Variants in ADGRL2 observed in about 807,000 individuals in gnomAD.
ADGRL2 encodes adhesion G protein-coupled receptor L2.
In ADGRL2, 44 loss-of-function variants were observed where a neutral mutation model predicts 157.4. The ratio of observed to expected loss-of-function variants is 0.28; its 90% CI spans 0.22 to 0.36. ADGRL2 has a LOEUF of 0.36. ADGRL2 is among the 10% of genes least tolerant of loss of function. The probability of loss-of-function intolerance (pLI) is 1.00; values close to 1 mark genes in which losing one functional copy is unlikely to be tolerated. For synonymous variants in ADGRL2, 585 were observed against 624.7 expected (o/e 0.94, Z 0.95); for missense variants, 1,510 against 1,768.9 (o/e 0.85, Z 2.63).
chr1:81,956,172 A>C, intron 11 of ADGRL2, 112 bp downstream of exon 11: 1 of 787,418 alleles, frequency 1.3e-6, no homozygotes, highest in Non-Finnish European at 1.8e-6. Flanking sequence ...TTTTTTTGTC[A>C]AATTATTTTT....
chr1:81,760,822 AT>A (rs539338106), intron 1 of ADGRL2, among the ~76,000 whole-genome samples: 9 of 151,428 alleles, frequency 5.9e-5, no homozygotes, highest in East Asian at 1.9e-4. Flanking sequence ...CTGTGTTTAA[AT>A]TTTTTTTACA....
At chr1:81,873,461 A>G (rs552016787) in intron 2 of ADGRL2, among the ~76,000 whole-genome samples, 22 of 152,226 alleles carry the variant, frequency 1.4e-4, no homozygotes, top group African/African-American at 5.1e-4. Flanking sequence ...TCTGATTGAA[A>G]TGTAAAAAAA....
rs1664650484 is a variant in ADGRL2 at position 81,991,944 on chromosome 1, T to C, written c.*799T>C. On this transcript the variant is annotated 3_prime_UTR_variant, in exon 24 of 24. Coordinates refer to ENST00000686636, the MANE Select transcript of ADGRL2 (RefSeq NM_001366006.2). Reference sequence around the variant, plus strand: ...AAGTTCTACTCATTTTCACTTCTTTTCCACTGTATACAGTGTTCTGCTTTG... The same window carrying C: ...AAGTTCTACTCATTTTCACTTCTTTCCCACTGTATACAGTGTTCTGCTTTG... 1 of 152,666 alleles carries C rather than the reference T, an allele frequency of 6.6e-6. No individual in the cohort carries two copies. Among genetic ancestry groups the C allele is most frequent in the African/African-American group, 2.4e-5 (1 of 41,466 alleles). The allele number at this position is 152,666 out of a possible 1,614,324, so 9.5% of individuals were successfully genotyped here.
At position 81,943,081 on chromosome 1, in the gene ADGRL2, T is replaced by C. The variant is rs755073321; in HGVS notation, c.522T>C (p.Ile174=). ...CKDPLQAADK[I]YFMPWTPYRT... ...ACCCTCTTCAGGCTGCAGATAAAAT[T>C]TATTTCATGCCCTGGACTCCCTATC... The change falls in exon 6 of 24, where the codon ATT becomes ATC. Residue 174 remains isoleucine, a synonymous_variant. Coordinates refer to ENST00000686636, the MANE Select transcript of ADGRL2 (RefSeq NM_001366006.2). This position sits in a 1 kb window ranked among gnomAD's most constrained non-coding sequence, Gnocchi z 5.6. 6.2e-7 allele frequency: 1 copy of C among 1,613,444 alleles called. No homozygotes were observed. The highest frequency in any genetic ancestry group is 1.1e-5 in the South Asian group (1 of 91,070).
intron 2 of ADGRL2, among the ~76,000 whole-genome samples, chr1:81,784,715 G>A (rs2086957705): frequency 8.1e-6 from 1 of 123,664 alleles, no homozygotes; most frequent in Non-Finnish European, 1.6e-5. Flanking sequence ...GCGACAGAGT[G>A]AGACCCCGTC....
chr1:81,483,791 AATAGAC>A (rs1175708918), intron 2 of ADGRL2, among the ~76,000 whole-genome samples: 1 of 152,176 alleles, frequency 6.6e-6, no homozygotes, highest in Non-Finnish European at 1.5e-5. Context: ...TAAAACTTTT[AATAGAC>A]ATGTGGAAAT....
intron 2 of ADGRL2, among the ~76,000 whole-genome samples, chr1:81,779,672 G>A (rs2086735868): frequency 6.6e-6 from 1 of 152,074 alleles, no homozygotes; most frequent in Non-Finnish European, 1.5e-5. Flanking sequence ...CAGCACACTG[G>A]TTTCTTTAGT....
intron 1 of ADGRL2, among the ~76,000 whole-genome samples, chr1:81,749,481 GCT>G (rs2085418922): frequency 6.6e-6 from 1 of 151,714 alleles, no homozygotes; most frequent in Non-Finnish European, 1.5e-5. Context: ...ACCACATATT[GCT>G]ATTGCTTGTT....
chr1:81,349,128 G>A (rs1016297130), intron 1 of ADGRL2, among the ~76,000 whole-genome samples: 2 of 152,064 alleles, frequency 1.3e-5, no homozygotes, highest in Non-Finnish European at 1.5e-5. Context: ...TGGAACCCAA[G>A]CAAAATTGCC....
intron 3 of ADGRL2, among the ~76,000 whole-genome samples, chr1:81,669,835 C>A (rs2082834405): frequency 6.6e-6 from 1 of 150,504 alleles, no homozygotes; most frequent in Non-Finnish European, 1.5e-5. Flanking sequence ...CCCAGCTACT[C>A]AGGAGGCTGA....
chr1:81,456,541 C>A (rs1208844567), intron 2 of ADGRL2, among the ~76,000 whole-genome samples: 1 of 152,046 alleles, frequency 6.6e-6, no homozygotes, highest in Admixed American at 6.6e-5. Flanking sequence ...CCTGATCCCA[C>A]TTTTTATTCA....
intron 18 of ADGRL2, chr1:81,980,874 A>G (rs924764759): frequency 1.7e-5 from 11 of 634,506 alleles, no homozygotes; most frequent in Non-Finnish European, 3.3e-5. Context: ...AATTTATGGC[A>G]TGATTTGTAT....
At chr1:81,589,131 C>A (rs1038508119) in intron 3 of ADGRL2, among the ~76,000 whole-genome samples, 3 of 152,140 alleles carry the variant, frequency 2.0e-5, no homozygotes, top group Non-Finnish European at 4.4e-5. Context: ...TAATACTTAT[C>A]CCCATAGGAT....
intron 1 of ADGRL2, among the ~76,000 whole-genome samples, chr1:81,707,552 C>T (rs977908554): frequency 1.3e-5 from 2 of 152,142 alleles, no homozygotes; most frequent in Admixed American, 6.5e-5. Context: ...TGGTCAGTCT[C>T]CCTACCTTAT....
chr1:81,411,645 C>G (rs1200628343), intron 1 of ADGRL2, among the ~76,000 whole-genome samples: 2 of 152,114 alleles, frequency 1.3e-5, no homozygotes, highest in African/African-American at 2.4e-5. Context: ...GTAATCCCAG[C>G]ACTTTGGGAG....
Position 81,973,010 on chromosome 1 carries a change from T to C in ADGRL2, c.3021+1092T>C, listed in dbSNP as rs117741620. Among the ~76,000 whole-genome samples, 584 of 152,166 alleles carry C rather than the reference T, an allele frequency of 3.8e-3. 7 individuals carry two copies. The highest frequency in any genetic ancestry group is 0.027 in the East Asian group (141 of 5,174). On this transcript the variant is annotated intron_variant, in intron 17 of 23. Coordinates refer to ENST00000686636, the MANE Select transcript of ADGRL2 (RefSeq NM_001366006.2). ...ATAAATACTTCCTATTTTAAGAAGT[T>C]TTTCTTACTTTTTTTTCAAAAACGT...
intron 2 of ADGRL2, among the ~76,000 whole-genome samples, chr1:81,842,689 A>C (rs1372981950): frequency 6.6e-6 from 1 of 152,092 alleles, no homozygotes; most frequent in Non-Finnish European, 1.5e-5. Flanking sequence ...ACTCAGAAAA[A>C]AATTTTGAAA....
upstream of ADGRL2, among the ~76,000 whole-genome samples, chr1:81,695,787 C>T (rs1210325850): frequency 1.3e-5 from 2 of 151,050 alleles, no homozygotes; most frequent in Non-Finnish European, 2.9e-5. Flanking sequence ...TATGCCACTA[C>T]ACTCCAGCCT....
At position 81,519,877 on chromosome 1, in the gene ADGRL2, G is replaced by A. The variant is rs150050711; in HGVS notation, c.-247-60999G>A. 3.4e-3 allele frequency among the ~76,000 whole-genome samples: 525 copies of A among 152,288 alleles called. 3 individuals carry two copies. The highest frequency in any genetic ancestry group is 0.012 in the African/African-American group (507 of 41,564). On this transcript the variant is annotated intron_variant, in intron 2 of 24. Transcript: ENST00000370721. ...AGATAAATCAAGAATAGTCCAAGCT[G>A]ATAAGAGCACTTCCAATCTCCTTGC...
Sources: gnomAD v4.1 joint callset for allele counts (sites outside exome capture counted in the v4.1 genomes callset) on GRCh38, gnomAD v4.1.1 for gene constraint, Gnocchi (gnomAD v3.1) non-coding constraint, MANE v1.5 for transcripts, NCBI Gene and HGNC (gene_info 2026-07-23, HGNC 2026-07-21) for gene names.